The following ISM1 variants were observed in gnomAD, a reference collection of about 807,000 sequenced individuals.
ISM1 encodes isthmin-1.
In ISM1, 25 loss-of-function variants were observed where a neutral mutation model predicts 46.3. The ratio of observed to expected loss-of-function variants is 0.54; its 90% CI spans 0.39 to 0.75. ISM1 has a LOEUF of 0.75. Ranked by LOEUF, ISM1 falls within the 30% of genes least tolerant of loss-of-function variation. The pLI, the probability that ISM1 is intolerant of heterozygous loss-of-function variation, is 0.00. For synonymous variants in ISM1, 255 were observed against 256.7 expected (o/e 0.99, Z 0.06); for missense variants, 536 against 625.4 (o/e 0.86, Z 1.52).
intron 1 of ISM1, chr20:13,245,401 A>T (rs1371593268): frequency 6.6e-6 from 1 of 152,170 alleles, no homozygotes; most frequent in Non-Finnish European, 1.5e-5. Context: ...GCAAGACAAA[A>T]TCCACAGTCT....
the ISM1 span, among the ~76,000 whole-genome samples, chr20:13,316,005 A>G: frequency 2.0e-5 from 3 of 152,008 alleles, no homozygotes; most frequent in Non-Finnish European, 4.4e-5. Flanking sequence ...TAGTGCTTAA[A>G]GGGAAACTCT....
At chr20:13,325,693 G>A in the ISM1 span, among the ~76,000 whole-genome samples, 1 of 152,032 alleles carries the variant, frequency 6.6e-6, no homozygotes, top group Non-Finnish European at 1.5e-5. Flanking sequence ...GTGACATGTG[G>A]GTAATATCCA....
chr20:13,274,675 C>G (rs546687523), intron 2 of ISM1, among the ~76,000 whole-genome samples: 3 of 151,836 alleles, frequency 2.0e-5, no homozygotes, highest in South Asian at 4.2e-4. Context: ...TCCCCGCCCC[C>G]CCCGCGCCCG....
At chr20:13,268,521 G>A (rs1382522939) in intron 1 of ISM1, among the ~76,000 whole-genome samples, 1 of 152,176 alleles carries the variant, frequency 6.6e-6, no homozygotes, top group African/African-American at 2.4e-5. Flanking sequence ...TGGCAGAGAG[G>A]TGGCTGGAAA....
chr20:13,290,310 A>G (rs1345931778), intron 4 of ISM1, among the ~76,000 whole-genome samples: 1 of 152,146 alleles, frequency 6.6e-6, no homozygotes, highest in Non-Finnish European at 1.5e-5. Context: ...AGAGAAGAAT[A>G]TGAAGTAAAC....
intron 1 of ISM1, among the ~76,000 whole-genome samples, chr20:13,233,449 G>T (rs1600484009): frequency 6.6e-6 from 1 of 152,014 alleles, no homozygotes; most frequent in Non-Finnish European, 1.5e-5. Context: ...TACAAAATTA[G>T]CCGGGCGTGG....
In ISM1 at chr20:13,299,492, T is replaced by TGGA; in HGVS notation, c.*35_*36insAGG. ...GGGATGAGGTGGAGGACGCTGCCTC[T>TGGA]GGTTCTGGAGCACACACGTGCTGCA... On this transcript the variant is annotated 3_prime_UTR_variant, in exon 6 of 6. Transcript: ENST00000262487. This position sits in a 1 kb window ranked among gnomAD's most constrained non-coding sequence, Gnocchi z 5.8. 6.4e-7 allele frequency: 1 copy of TGGA among 1,565,280 alleles called. No homozygotes were observed. The highest frequency in any genetic ancestry group is 1.2e-5 in the South Asian group (1 of 86,902).
chr20:13,247,497 T>C (rs1477683899), intron 1 of ISM1, among the ~76,000 whole-genome samples: 1 of 148,300 alleles, frequency 6.7e-6, no homozygotes, highest in African/African-American at 2.5e-5. Context: ...AACCACAGCA[T>C]TTCTGGCAGC....
At chr20:13,289,666 AG>A (rs2040331990) in intron 4 of ISM1, among the ~76,000 whole-genome samples, 1 of 96,408 alleles carries the variant, frequency 1.0e-5, no homozygotes, top group African/African-American at 4.1e-5. Context: ...GAGAAGGAGG[AG>A]GAGGAGGGGG....
chr20:13,224,173 T>C (rs2039486343), intron 1 of ISM1, among the ~76,000 whole-genome samples: 1 of 152,166 alleles, frequency 6.6e-6, no homozygotes, highest in Non-Finnish European at 1.5e-5. Context: ...GGTGAGACTG[T>C]CCACTCAATG....
At chr20:13,247,197 C>T (rs994167135) in intron 1 of ISM1, among the ~76,000 whole-genome samples, 1 of 151,998 alleles carries the variant, frequency 6.6e-6, no homozygotes, top group Non-Finnish European at 1.5e-5. Flanking sequence ...CACCATTGCA[C>T]TCCAGCCTGG....
intron 1 of ISM1, among the ~76,000 whole-genome samples, chr20:13,264,145 G>A (rs953050172): frequency 2.0e-5 from 3 of 152,210 alleles, no homozygotes; most frequent in Admixed American, 6.5e-5. Flanking sequence ...GGGGGAAGGA[G>A]GAGGGAGTTT....
intron 1 of ISM1, among the ~76,000 whole-genome samples, chr20:13,247,711 T>C (rs530597564): frequency 7.0e-4 from 107 of 152,230 alleles, no homozygotes; most frequent in African/African-American, 2.5e-3. Context: ...GTGAGAAGTA[T>C]TGAAAGCTTC....
chr20:13,277,093 C>T lies in ISM1; in HGVS notation c.379-2541C>T, dbSNP rs570883855. ...TAAATTTGTATTTTGCTACTCATTGCCTGGCCAGGCAACAAGTCTATTTTG... is the reference window on the plus strand; with the variant it reads ...TAAATTTGTATTTTGCTACTCATTGTCTGGCCAGGCAACAAGTCTATTTTG... On this transcript the variant is annotated intron_variant, in intron 2 of 5. Transcript: ENST00000262487. Among the ~76,000 whole-genome samples the T allele has an allele frequency of 1.7e-3, 258 of 152,124 alleles. 1 individual carries two copies. The highest frequency in any genetic ancestry group is 0.014 in the Middle Eastern group (4 of 294).
chr20:13,272,109 C>T (rs999562862), intron 2 of ISM1, among the ~76,000 whole-genome samples: 2 of 152,138 alleles, frequency 1.3e-5, no homozygotes, highest in Admixed American at 1.3e-4. Context: ...CCAATTCTTT[C>T]TATTTGTATA....
intron 1 of ISM1, among the ~76,000 whole-genome samples, chr20:13,250,688 A>T (rs577933369): frequency 6.6e-6 from 1 of 152,318 alleles, no homozygotes; most frequent in South Asian, 2.1e-4. Flanking sequence ...CCATGAGGGT[A>T]AGATTCGTGT....
At chr20:13,254,100 G>A (rs929320797) in intron 1 of ISM1, among the ~76,000 whole-genome samples, 3 of 150,834 alleles carry the variant, frequency 2.0e-5, no homozygotes, top group African/African-American at 7.3e-5. Flanking sequence ...AGGCATGGTG[G>A]TACATGCCTG....
intron 1 of ISM1, among the ~76,000 whole-genome samples, chr20:13,243,862 A>T (rs2039760919): frequency 6.6e-6 from 1 of 152,338 alleles, no homozygotes; most frequent in South Asian, 2.1e-4. Context: ...TTCTGCAGTT[A>T]GAATAGCAGG....
intron 2 of ISM1, among the ~76,000 whole-genome samples, chr20:13,271,426 A>C (rs948662151): frequency 6.6e-6 from 1 of 152,166 alleles, no homozygotes; most frequent in Non-Finnish European, 1.5e-5. Context: ...TCTCACCTAC[A>C]CTGAAATAGC....
Sources: gnomAD v4.1 joint callset for allele counts (sites outside exome capture counted in the v4.1 genomes callset) on GRCh38, gnomAD v4.1.1 for gene constraint, Gnocchi (gnomAD v3.1) non-coding constraint, MANE v1.5 for transcripts, NCBI Gene and HGNC (gene_info 2026-07-23, HGNC 2026-07-21) for gene names.